Variants in PTPRM observed in about 807,000 individuals in gnomAD.
The protein encoded by PTPRM is receptor-type tyrosine-protein phosphatase mu.
PTPRM carries 47 observed loss-of-function variants against 186.7 expected under a neutral mutation model. That is an observed-to-expected ratio of 0.25 (90% CI 0.20 to 0.32). PTPRM has a LOEUF of 0.32. Ranked by LOEUF, PTPRM falls within the 10% of genes least tolerant of loss-of-function variation. The pLI is 1.00. For missense variants in PTPRM, 1,494 were observed against 1,865.0 expected (o/e 0.80, Z 3.66); for synonymous variants, 668 against 674.9 (o/e 0.99, Z 0.16).
At chr18:8,212,143 C>T (rs1452117843) in intron 14 of PTPRM, among the ~76,000 whole-genome samples, 1 of 152,094 alleles carries the variant, frequency 6.6e-6, no homozygotes, top group Non-Finnish European at 1.5e-5. Flanking sequence ...GTCAGGACTG[C>T]AAAAGAGGAC....
intron 2 of PTPRM, among the ~76,000 whole-genome samples, chr18:7,860,652 CAG>C (rs2146048024): frequency 6.6e-6 from 1 of 152,266 alleles, no homozygotes; most frequent in African/African-American, 2.4e-5. Flanking sequence ...TTGCATTTAA[CAG>C]AAATGCTGAA....
At chr18:7,813,391 T>C (rs73395448) in intron 2 of PTPRM, among the ~76,000 whole-genome samples, 2,150 of 152,226 alleles carry the variant, frequency 0.014, 46 homozygotes, top group African/African-American at 0.04. Flanking sequence ...AAAGACAGAG[T>C]GCATCATTTA....
At chr18:7,902,126 C>G (rs995929506) in intron 3 of PTPRM, among the ~76,000 whole-genome samples, 1 of 152,180 alleles carries the variant, frequency 6.6e-6, no homozygotes, top group Non-Finnish European at 1.5e-5. Flanking sequence ...CTGCAATTAG[C>G]TTTAAGTCAG....
intron 22 of PTPRM, 52 bp from the exon 23 acceptor site, chr18:8,343,371 C>G: frequency 1.3e-6 from 2 of 1,536,932 alleles, no homozygotes; most frequent in South Asian, 2.3e-5. Context: ...CGGAAATTTT[C>G]CAGTTGAAAC....
intron 14 of PTPRM, among the ~76,000 whole-genome samples, chr18:8,212,135 C>T (rs1416855580): frequency 6.6e-6 from 1 of 152,150 alleles, no homozygotes; most frequent in Non-Finnish European, 1.5e-5. Context: ...CAGTTCAAGT[C>T]AGGACTGCAA....
chr18:8,258,143 C>A lies in PTPRM; in HGVS notation c.2754+4729C>A, dbSNP rs138014596. Among the ~76,000 whole-genome samples the A allele has an allele frequency of 5.9e-3, 894 of 152,256 alleles. 10 individuals carry two copies. Among genetic ancestry groups the A allele is most frequent in the African/African-American group, 0.02 (846 of 41,564 alleles). On this transcript the variant is annotated intron_variant, in intron 19 of 32. Transcript: ENST00000580170. ...TTGTCAACAGAGAGTGGTGCAGGGA[C>A]CTCTCCAGGAGAGGAGAAAGAGCAG...
chr18:8,032,098 C>T (rs1468767851), intron 7 of PTPRM, among the ~76,000 whole-genome samples: 1 of 152,040 alleles, frequency 6.6e-6, no homozygotes, highest in Non-Finnish European at 1.5e-5. Context: ...TAGAAGAATC[C>T]ACTGAAAATC....
At chr18:7,853,591 A>G (rs1313555755) in intron 2 of PTPRM, among the ~76,000 whole-genome samples, 1 of 152,198 alleles carries the variant, frequency 6.6e-6, no homozygotes. Flanking sequence ...CATCAGGAAA[A>G]TTGCACTGGA....
intron 21 of PTPRM, among the ~76,000 whole-genome samples, chr18:8,315,749 G>T (rs2095304792): frequency 6.6e-6 from 1 of 152,134 alleles, no homozygotes; most frequent in South Asian, 2.1e-4. Context: ...AAAGTAAATA[G>T]CATCACAATC....
intron 23 of PTPRM, among the ~76,000 whole-genome samples, chr18:8,344,018 C>T (rs1243194122): frequency 6.6e-6 from 1 of 152,168 alleles, no homozygotes; most frequent in African/African-American, 2.4e-5. Flanking sequence ...CTTGTACTAC[C>T]TTCTCCGTAG....
intron 3 of PTPRM, among the ~76,000 whole-genome samples, chr18:7,897,206 A>G (rs1005989839): frequency 6.6e-6 from 1 of 152,222 alleles, no homozygotes; most frequent in Non-Finnish European, 1.5e-5. Flanking sequence ...GGAAGGACAC[A>G]TGGTGAGTGT....
chr18:7,580,884 G>A (rs932626986), intron 1 of PTPRM, among the ~76,000 whole-genome samples: 2 of 152,162 alleles, frequency 1.3e-5, no homozygotes, highest in African/African-American at 2.4e-5. Flanking sequence ...CATTTCAAAT[G>A]TAGTGTTGTG....
At chr18:7,826,657 A>G (rs545447924) in intron 2 of PTPRM, among the ~76,000 whole-genome samples, 1 of 152,384 alleles carries the variant, frequency 6.6e-6, no homozygotes, top group African/African-American at 2.4e-5. Context: ...TGAAAGTACC[A>G]TTTGTTCATC....
chr18:7,580,141 A>T (rs1161234815), intron 1 of PTPRM, among the ~76,000 whole-genome samples: 1 of 152,240 alleles, frequency 6.6e-6, no homozygotes, highest in East Asian at 1.9e-4. Context: ...GATCTCTCCA[A>T]TATCTTAAAG....
chr18:7,894,325 G>T (rs899242139), intron 3 of PTPRM, among the ~76,000 whole-genome samples: 1 of 152,092 alleles, frequency 6.6e-6, no homozygotes, highest in Non-Finnish European at 1.5e-5. Flanking sequence ...GGTGGCTCAC[G>T]CCTGTAATCC....
chr18:7,963,255 T>G (rs909913194), intron 7 of PTPRM, among the ~76,000 whole-genome samples: 2 of 152,218 alleles, frequency 1.3e-5, no homozygotes, highest in African/African-American at 2.4e-5. Flanking sequence ...TTACAGGTGT[T>G]TAGGCCCCAG....
chr18:8,044,870 G>C (rs1056170912), intron 7 of PTPRM, among the ~76,000 whole-genome samples: 8 of 152,108 alleles, frequency 5.3e-5, no homozygotes, highest in African/African-American at 1.9e-4. Context: ...TGTTGGCCAG[G>C]ATGTGGAAAA....
chr18:8,273,426 A>T (rs1274008205), intron 19 of PTPRM, among the ~76,000 whole-genome samples: 1 of 152,096 alleles, frequency 6.6e-6, no homozygotes, highest in African/African-American at 2.4e-5. Flanking sequence ...GTTCTGAAAG[A>T]TGGGATTATA....
intron 20 of PTPRM, among the ~76,000 whole-genome samples, chr18:8,304,200 C>T (rs549374935): frequency 1.1e-3 from 172 of 152,256 alleles, no homozygotes; most frequent in African/African-American, 4.1e-3. Flanking sequence ...CAATATCCGT[C>T]ATGTTTAATA....
Sources: allele counts gnomAD v4.1 joint callset (sites outside exome capture counted in the v4.1 genomes callset), GRCh38; gene constraint gnomAD v4.1.1; transcripts MANE v1.5; gene names NCBI Gene and HGNC (gene_info 2026-07-23, HGNC 2026-07-21).